The following MKLN1 variants were observed in gnomAD, a reference collection of about 807,000 sequenced individuals.
MKLN1 encodes the protein muskelin 1, also known as muskelin.
A neutral mutation model predicts 99.0 loss-of-function variants in MKLN1; 18 were observed. The observed-to-expected ratio is 0.18, with a 90% CI of 0.13 to 0.27. The LOEUF is 0.27. Among genes scored for constraint, MKLN1 ranks in the 10% least tolerant of loss-of-function variants. The pLI is 1.00. For synonymous variants in MKLN1, 288 were observed against 293.2 expected, an observed-to-expected ratio of 0.98 and a Z score of 0.18; for missense variants, 621 against 875.9, an observed-to-expected ratio of 0.71 and a Z score of 3.67.
intron 1 of MKLN1, among the ~76,000 whole-genome samples, chr7:131,361,493 A>C (rs1304466232): frequency 1.3e-5 from 2 of 151,614 alleles, no homozygotes; most frequent in Non-Finnish European, 2.9e-5. Flanking sequence ...TCGTATCAAA[A>C]TCTAGATCAT....
In MKLN1 at chr7:131,120,260, T is replaced by C. The variant is rs182509929; in HGVS notation, c.-419+10053T>C. On this transcript the variant is annotated intron_variant, in intron 1 of 7. Transcript: ENST00000416992. ...TTTCTGTCAGGCCAGTTGCAATGGC[T>C]CACACCTGTAATCCCAGCACTTTGG... Among the ~76,000 whole-genome samples the C allele has an allele frequency of 9.5e-3, 1,426 of 150,770 alleles. 12 individuals are homozygous for C. Among genetic ancestry groups the C allele is most frequent in the Middle Eastern group, 0.039 (11 of 284 alleles).
At chr7:131,382,954 A>C (rs1793897091) in intron 2 of MKLN1, among the ~76,000 whole-genome samples, 1 of 151,828 alleles carries the variant, frequency 6.6e-6, no homozygotes, top group South Asian at 2.1e-4. Context: ...CGATCTCTTG[A>C]CCTCGTGATC....
chr7:131,205,138 T>C (rs1319709318), intron 3 of MKLN1, among the ~76,000 whole-genome samples: 3 of 151,984 alleles, frequency 2.0e-5, no homozygotes, highest in Admixed American at 2.0e-4. Context: ...AGTTAAATCA[T>C]GTCCCTCTGC....
intron 3 of MKLN1, among the ~76,000 whole-genome samples, chr7:131,256,750 G>A (rs544913582): frequency 6.6e-6 from 1 of 152,124 alleles, no homozygotes; most frequent in Non-Finnish European, 1.5e-5. Flanking sequence ...GCTAAACACT[G>A]GGTACACATA....
intron 1 of MKLN1, among the ~76,000 whole-genome samples, chr7:131,374,566 A>T (rs940110331): frequency 4.6e-5 from 7 of 152,168 alleles, no homozygotes; most frequent in Non-Finnish European, 8.8e-5. Context: ...CCCAGTATGT[A>T]TGTAACATAG....
chr7:131,437,636 G>A, intron 9 of MKLN1, 149 bp from the exon 10 acceptor site: 3 of 628,170 alleles, frequency 4.8e-6, no homozygotes, highest in Non-Finnish European at 5.5e-6. Flanking sequence ...CCTAGTGTTG[G>A]ACTCATATTG....
chr7:131,305,229 C>A (rs940927608), intron 3 of MKLN1, among the ~76,000 whole-genome samples: 2 of 152,196 alleles, frequency 1.3e-5, no homozygotes, highest in Non-Finnish European at 2.9e-5. Context: ...ACCATGAAAC[C>A]CCTTCCTAAC....
intron 3 of MKLN1, among the ~76,000 whole-genome samples, chr7:131,288,666 G>C (rs1173666279): frequency 1.3e-5 from 2 of 152,276 alleles, no homozygotes; most frequent in East Asian, 3.9e-4. Flanking sequence ...CTAGCAACTG[G>C]GTTATCTTGT....
At chr7:131,471,922 A>T (rs950287406) in intron 16 of MKLN1, 1 of 152,236 alleles carries the variant, frequency 6.6e-6, no homozygotes, top group South Asian at 2.1e-4. Flanking sequence ...ATACTCTTTC[A>T]TAGTTTCGTA....
At chr7:131,328,596 G>A (rs1437128243) in intron 1 of MKLN1, among the ~76,000 whole-genome samples, 1 of 152,168 alleles carries the variant, frequency 6.6e-6, no homozygotes, top group Non-Finnish European at 1.5e-5. Context: ...TGTCTTTAAT[G>A]CCTGGAAGTT....
intron 3 of MKLN1, among the ~76,000 whole-genome samples, chr7:131,289,262 A>G (rs565334252): frequency 6.6e-6 from 1 of 152,260 alleles, no homozygotes; most frequent in East Asian, 1.9e-4. Flanking sequence ...TCTATTAGAA[A>G]CCTAGAAGGG....
intron 2 of MKLN1, among the ~76,000 whole-genome samples, chr7:131,159,077 C>T (rs1253332814): frequency 3.9e-5 from 6 of 152,068 alleles, no homozygotes; most frequent in Non-Finnish European, 8.8e-5. Flanking sequence ...ACCTGTAGTC[C>T]TAGCTACTAG....
intron 3 of MKLN1, among the ~76,000 whole-genome samples, chr7:131,275,450 C>A (rs1217916717): frequency 7.6e-6 from 1 of 131,720 alleles, no homozygotes; most frequent in African/African-American, 2.8e-5. Context: ...CTCACTGCAA[C>A]CTCCACCTTC....
At chr7:131,152,806 A>G (rs1584794485) in intron 2 of MKLN1, among the ~76,000 whole-genome samples, 1 of 151,984 alleles carries the variant, frequency 6.6e-6, no homozygotes, top group East Asian at 1.9e-4. Flanking sequence ...AGATCCAAAT[A>G]AGGTTCATAC....
rs148630429 is a variant in MKLN1 at position 131,182,420 on chromosome 7, G to A, written c.-296-20437G>A. On this transcript the variant is annotated intron_variant, in intron 2 of 7. Coordinates refer to the MKLN1 transcript ENST00000416992. ...TATTTGGGCCCAAAGAACTAGATGA[G>A]GAATCAGGAGTTTACATAAACAAAT... 2.4e-4 allele frequency among the ~76,000 whole-genome samples: 37 copies of A among 152,288 alleles called. No homozygotes were observed. In the East Asian group the frequency reaches 7.1e-3, roughly 29 times the overall value.
At chr7:131,336,731 C>T (rs1563299136) in intron 1 of MKLN1, among the ~76,000 whole-genome samples, 1 of 152,088 alleles carries the variant, frequency 6.6e-6, no homozygotes, top group South Asian at 2.1e-4. Context: ...TAGCATTTAT[C>T]ACTCTCCTGC....
upstream of MKLN1, among the ~76,000 whole-genome samples, chr7:131,324,608 T>C (rs1052166177): frequency 1.3e-5 from 2 of 152,184 alleles, no homozygotes; most frequent in African/African-American, 2.4e-5. Context: ...ACCAAGAATT[T>C]ACATTAAAAT....
intron 3 of MKLN1, among the ~76,000 whole-genome samples, chr7:131,247,897 G>GT (rs1353004600): frequency 2.0e-5 from 3 of 151,650 alleles, no homozygotes; most frequent in South Asian, 2.1e-4. Context: ...GTTTTGTTTT[G>GT]TTTGTGCGTG....
chr7:131,302,592 A>T (rs1327101638), intron 3 of MKLN1, among the ~76,000 whole-genome samples: 4 of 152,220 alleles, frequency 2.6e-5, no homozygotes, highest in Non-Finnish European at 5.9e-5. Context: ...AGCAACCCCC[A>T]GCAGTTGACA....
Sources: gnomAD v4.1 joint callset for allele counts (sites outside exome capture counted in the v4.1 genomes callset) on GRCh38, gnomAD v4.1.1 for gene constraint, MANE v1.5 for transcripts, NCBI Gene and HGNC (gene_info 2026-07-23, HGNC 2026-07-21) for gene names.